BLK: variants seen among roughly 807,000 people sequenced by gnomAD.
BLK encodes tyrosine-protein kinase Blk.
A neutral mutation model predicts 61.8 loss-of-function variants in BLK; 64 were observed. The observed-to-expected ratio is 1.03, with a 90% CI of 0.85 to 1.27. The LOEUF is 1.27. Among genes scored for constraint, BLK ranks in the 50% most tolerant of loss-of-function variants. BLK has a pLI of 0.00. For missense variants in BLK, 853 were observed against 660.5 expected (o/e 1.29, Z -3.19); for synonymous variants, 351 against 272.0 (o/e 1.29, Z -2.86).
At chr8:11,551,295 G>C (rs1300344078) in intron 6 of BLK, among the ~76,000 whole-genome samples, 2 of 152,148 alleles carry the variant, frequency 1.3e-5, no homozygotes, top group Non-Finnish European at 2.9e-5. Flanking sequence ...CACGACCAAA[G>C]TGTCAGCAGC....
chr8:11,530,194 A>C (rs2736365), intron 1 of BLK, among the ~76,000 whole-genome samples: 2,592 of 152,228 alleles, frequency 0.017, 44 homozygotes, highest in African/African-American at 0.045. Context: ...AAGGAATCTC[A>C]GATTAGACCT....
chr8:11,514,101 T>C (rs1047053843), intron 1 of BLK, among the ~76,000 whole-genome samples: 1 of 152,154 alleles, frequency 6.6e-6, no homozygotes, highest in Admixed American at 6.5e-5. Flanking sequence ...AACCATTCTG[T>C]TTTGGTATCC....
chr8:11,500,957 C>A (rs1386224236), intron 1 of BLK, among the ~76,000 whole-genome samples: 2 of 151,742 alleles, frequency 1.3e-5, no homozygotes, highest in East Asian at 3.9e-4. Flanking sequence ...ACCTGTAATC[C>A]CAGCACTTTG....
At chr8:11,533,023 C>T (rs1472228531) in intron 1 of BLK, among the ~76,000 whole-genome samples, 3 of 152,202 alleles carry the variant, frequency 2.0e-5, no homozygotes. Flanking sequence ...ACATATAATA[C>T]ATGAAAAGCA....
At chr8:11,562,902 A>G in intron 11 of BLK, 77 bp from the exon 12 acceptor site, 1 of 1,596,530 alleles carries the variant, frequency 6.3e-7, no homozygotes, top group Admixed American at 1.7e-5. Flanking sequence ...GGACAGCAGG[A>G]GCAGGGGTAG....
At chr8:11,526,528 G>C (rs140052452) in intron 1 of BLK, among the ~76,000 whole-genome samples, 3,058 of 152,188 alleles carry the variant, frequency 0.02, 96 homozygotes, top group African/African-American at 0.07. Flanking sequence ...AGACCAGCCT[G>C]GGCAAAATGA....
intron 1 of BLK, among the ~76,000 whole-genome samples, chr8:11,537,822 T>C (rs188987774): frequency 6.6e-6 from 1 of 152,366 alleles, no homozygotes; most frequent in Non-Finnish European, 1.5e-5. Context: ...AGTTTCTCTA[T>C]TTTTAGTTGA....
In BLK at chr8:11,520,627, C is replaced by T. The variant is rs1585348338; in HGVS notation, c.-1-22597C>T. 2.6e-5 allele frequency among the ~76,000 whole-genome samples: 4 copies of T among 151,964 alleles called. 1 individual carries two copies. In the South Asian group the frequency reaches 8.3e-4, roughly 32 times the overall value. On this transcript the variant is annotated intron_variant, in intron 1 of 12. Coordinates refer to ENST00000259089, the MANE Select transcript of BLK (RefSeq NM_001715.3). ...AAGGAAACTTCCTAGATATCTTCTG[C>T]AAGCCTATAGCCAGATTCAGAAGTG...
chr8:11,563,852 C>A (rs1224702680), intron 12 of BLK, 51 bp from the exon 13 acceptor site: 27 of 1,546,984 alleles, frequency 1.7e-5, no homozygotes, highest in East Asian at 2.4e-5. Context: ...GGCCCCCCAC[C>A]CACCGAGGAC....
chr8:11,500,713 A>G (rs963597923), intron 1 of BLK, among the ~76,000 whole-genome samples: 3 of 150,950 alleles, frequency 2.0e-5, no homozygotes, highest in African/African-American at 7.3e-5. Context: ...GGTTTTTACC[A>G]TGTTGTCTAG....
intron 1 of BLK, among the ~76,000 whole-genome samples, chr8:11,497,234 T>G (rs545919479): frequency 6.6e-6 from 1 of 152,212 alleles, no homozygotes; most frequent in Non-Finnish European, 1.5e-5. Flanking sequence ...CAGCTAAAAG[T>G]TGGTGATTAC....
chr8:11,518,305 A>G (rs1799306701), intron 1 of BLK, among the ~76,000 whole-genome samples: 1 of 152,216 alleles, frequency 6.6e-6, no homozygotes, highest in Admixed American at 6.5e-5. Flanking sequence ...TAGGCTTCCC[A>G]GAGTGAATAC....
intron 1 of BLK, among the ~76,000 whole-genome samples, chr8:11,533,877 G>C (rs1800003148): frequency 6.6e-6 from 1 of 152,360 alleles, no homozygotes; most frequent in East Asian, 1.9e-4. Context: ...TTCATGGAGA[G>C]ACAAGAGGAT....
At chr8:11,555,041 C>T (rs1182198736) in intron 7 of BLK, 152 bp downstream of exon 7, 12 of 1,285,896 alleles carry the variant, frequency 9.3e-6, no homozygotes, top group Non-Finnish European at 1.3e-5. Flanking sequence ...ACTCTGAGCA[C>T]CGGGAATTGG....
chr8:11,545,961 AC>A, intron 2 of BLK, 90 bp from the exon 3 acceptor site: 1 of 1,370,942 alleles, frequency 7.3e-7, no homozygotes. Context: ...CCCTGGAGAT[AC>A]CCTGGCTGCC....
chr8:11,555,962 TCC>T (rs33925910), intron 8 of BLK: 55 of 252,284 alleles, frequency 2.2e-4, no homozygotes, highest in South Asian at 5.4e-4. Flanking sequence ...CCTGCCCCCT[TCC>T]CCCCCCCGCC....
In BLK at chr8:11,512,168, A is replaced by C. The variant is rs114350975; in HGVS notation, c.-2+17577A>C. ...CGCAAGTTCTATGCTACTGGTCTGT[A>C]AGAAGCGCTGTGGGATCAGAAGAAG... is the stretch of plus-strand genomic sequence containing the variant. On this transcript the variant is annotated intron_variant, in intron 1 of 12. Transcript: ENST00000259089. Among the ~76,000 whole-genome samples the C allele has an allele frequency of 3.4e-3, 525 of 152,322 alleles. 3 individuals are homozygous for C. The highest frequency in any genetic ancestry group is 0.012 in the African/African-American group (503 of 41,560).
At chr8:11,521,463 C>T (rs1799443371) in intron 1 of BLK, among the ~76,000 whole-genome samples, 1 of 152,076 alleles carries the variant, frequency 6.6e-6, no homozygotes, top group South Asian at 2.1e-4. Context: ...GCTAATTCTT[C>T]TAATTTTTGT....
chr8:11,545,794 T>A, intron 2 of BLK: 2 of 538,672 alleles, frequency 3.7e-6, no homozygotes, highest in Middle Eastern at 5.2e-4. Flanking sequence ...TCCCTCATTG[T>A]CCACAGCTGT....
Sources: gnomAD v4.1 joint callset for allele counts (sites outside exome capture counted in the v4.1 genomes callset) on GRCh38, gnomAD v4.1.1 for gene constraint, MANE v1.5 for transcripts, NCBI Gene and HGNC (gene_info 2026-07-23, HGNC 2026-07-21) for gene names.